GABRA6: variants seen among roughly 807,000 people sequenced by gnomAD.
GABRA6 encodes the protein gamma-aminobutyric acid type A receptor subunit alpha6.
Under a neutral mutation model 47.3 loss-of-function variants are expected in GABRA6, and 45 were observed. That is an observed-to-expected ratio of 0.95 (90% CI 0.75 to 1.22). GABRA6 has a LOEUF of 1.22. Among genes scored for constraint, GABRA6 ranks in the 50% most tolerant of loss-of-function variants. The pLI is 0.00. For synonymous variants in GABRA6, 219 were observed against 194.7 expected (o/e 1.12, Z -1.04); for missense variants, 583 against 549.3 (o/e 1.06, Z -0.61).
chr5:161,689,865 C>T lies in GABRA6; in HGVS notation c.673+86C>T, dbSNP rs1214098645. On this transcript the variant is annotated intron_variant, in intron 6 of 8. Coordinates refer to ENST00000274545, the MANE Select transcript of GABRA6 (RefSeq NM_000811.3). The stretch of plus-strand genomic sequence containing the variant: ...AAATATCTATTTCTTTTTCCTTCGC[C>T]TTAGCCATTCTCAGCTAAGCATGCT... 2.9e-6 allele frequency: 4 copies of T among 1,393,396 alleles called. No individual in the cohort carries two copies. The East Asian group carries it at 9.2e-5, about 32-fold the overall frequency. 86.3% of individuals were successfully genotyped at this position (1,393,396 alleles called of 1,614,324 possible).
Position 161,701,633 on chromosome 5 carries a change from T to A in GABRA6, c.1222T>A (p.Ser408Thr). Residue 408 changes from serine to threonine, a missense_variant, in exon 9 of 9, where the codon TCG (serine) becomes ACG (threonine). Transcript: ENST00000274545. ...QSTPVTPPPL[S>T]PAFGGTSKID... is the part of the protein sequence containing the mutation. ...AACACCTGTCACACCCCCACCACTC[T>A]CGCCAGCCTTTGGAGGCACCAGTAA... The A allele has an allele frequency of 6.2e-7, 1 of 1,614,150 alleles. No homozygotes were observed. The highest frequency in any genetic ancestry group is 8.5e-7 in the Non-Finnish European group (1 of 1,180,030).
intron 3 of GABRA6, chr5:161,687,497 G>A: frequency 2.2e-6 from 1 of 456,158 alleles, no homozygotes; most frequent in Non-Finnish European, 4.4e-6. Context: ...GGATGGACCA[G>A]TAGGTGTTCT....
At chr5:161,686,435 A>C in intron 2 of GABRA6, 87 bp downstream of exon 2, 2 of 1,011,930 alleles carry the variant, frequency 2.0e-6, no homozygotes, top group South Asian at 2.5e-5. Flanking sequence ...GTCAGAAACT[A>C]GGTAGTGGGA....
chr5:161,689,851 T>C, intron 6 of GABRA6, 72 bp downstream of exon 6: 1 of 1,452,820 alleles, frequency 6.9e-7, no homozygotes, highest in Non-Finnish European at 9.6e-7. Flanking sequence ...AATATCTATT[T>C]CTTTTTCCTT....
rs1164669199 is a variant in GABRA6, at chr5:161,701,759, A to C, written c.1348A>C (p.Ser450Arg). 3.1e-6 allele frequency: 5 copies of C among 1,614,028 alleles called. No individual in the cohort carries two copies. The Admixed American group carries it at 8.3e-5, about 27-fold the overall frequency. Residue 450 changes from serine to arginine, a missense_variant, in exon 9 of 9, where the codon AGC becomes CGC. Ser to Arg is a moderately radical substitution (Grantham distance 110). Coordinates refer to ENST00000274545, the MANE Select transcript of GABRA6 (RefSeq NM_000811.3). ...TTCCAAAGATACAATGGAAGTCAGT[A>C]GCAGTGTTGAATAGCTTGCGGCCAG... The part of the protein sequence containing the change: ...YLSKDTMEVS[S>R]SVE
chr5:161,685,799 A>G lies in GABRA6; in HGVS notation c.-191A>G, dbSNP rs2113063472. ...TGTTCCACGTGAGAAGGAAACAAGA[A>G]AGAAGGGAGCCAGGGGAATCCTGCA... On this transcript the variant is annotated 5_prime_UTR_variant, in exon 1 of 9. Coordinates refer to ENST00000274545, the MANE Select transcript of GABRA6 (RefSeq NM_000811.3). 3.1e-6 allele frequency: 2 copies of G among 635,096 alleles called. No individual in the cohort carries two copies. The highest frequency in any genetic ancestry group is 2.6e-4 in the Middle Eastern group (1 of 3,884). 39.3% of individuals were successfully genotyped at this position (635,096 alleles called of 1,614,324 possible).
chr5:161,700,473 A>G (rs981566086), intron 8 of GABRA6, among the ~76,000 whole-genome samples: 1 of 152,228 alleles, frequency 6.6e-6, no homozygotes, highest in Non-Finnish European at 1.5e-5. Flanking sequence ...CACCAACGGC[A>G]TGAAAGGAAT....
rs755056537 is a variant in GABRA6 at position 161,689,259 on chromosome 5, C to A, written c.452C>A (p.Thr151Asn). ...GTTGATTTCAATGTTTCTAGGCTTA[C>A]CATCAATGCTGACTGTCCCATGAGG... The part of the protein sequence containing the change: ...NGTILYTMRL[T>N]INADCPMRLV... The change falls in exon 5 of 9, where the codon ACC becomes AAC. Residue 151 changes from threonine to asparagine, a missense_variant. Transcript: ENST00000274545. The A allele has an allele frequency of 6.2e-6, 10 of 1,613,954 alleles. No homozygotes were observed. The highest frequency in any genetic ancestry group is 6.8e-6 in the Non-Finnish European group (8 of 1,179,840).
intron 8 of GABRA6, among the ~76,000 whole-genome samples, chr5:161,694,904 T>G (rs1280538282): frequency 1.3e-5 from 2 of 152,158 alleles, no homozygotes; most frequent in Non-Finnish European, 2.9e-5. Context: ...TTATATGATA[T>G]AGAGGAACAA....
intron 8 of GABRA6, among the ~76,000 whole-genome samples, chr5:161,696,737 A>G (rs1387171233): frequency 6.6e-6 from 1 of 152,110 alleles, no homozygotes; most frequent in Non-Finnish European, 1.5e-5. Context: ...TCTGTTTTCA[A>G]CTCTACCAGC....
chr5:161,689,828 T>G (rs1432903334), intron 6 of GABRA6, 49 bp downstream of exon 6: 5 of 1,540,838 alleles, frequency 3.2e-6, no homozygotes, highest in Non-Finnish European at 3.6e-6. Context: ...ATGACTCCAG[T>G]GCACATTTTC....
intron 5 of GABRA6, 130 bp downstream of exon 5, chr5:161,689,466 T>C (rs187783811): frequency 3.7e-4 from 382 of 1,021,348 alleles, no homozygotes; most frequent in Non-Finnish European, 4.3e-4. Flanking sequence ...AGGAATATAC[T>C]TAATCATTCT....
intron 7 of GABRA6, 28 bp from the exon 8 acceptor site, chr5:161,691,906 ACTAATAT>A: frequency 6.3e-7 from 1 of 1,597,600 alleles, no homozygotes; most frequent in Non-Finnish European, 8.6e-7. Flanking sequence ...GATTCCCAGT[ACTAATAT>A]TACAATTCCT....
chr5:161,688,437 G>A (rs969700959), intron 3 of GABRA6, among the ~76,000 whole-genome samples: 4 of 151,960 alleles, frequency 2.6e-5, no homozygotes, highest in African/African-American at 9.7e-5. Flanking sequence ...TGTTCCCTGA[G>A]AACAATATAA....
At chr5:161,694,875 C>T (rs1204962097) in intron 8 of GABRA6, among the ~76,000 whole-genome samples, 1 of 152,068 alleles carries the variant, frequency 6.6e-6, no homozygotes, top group African/African-American at 2.4e-5. Context: ...TTGTTCGTGT[C>T]AAACCTTGGC....
chr5:161,686,016 C>A lies in GABRA6; in HGVS notation c.27C>A (p.Cys9Ter). MASSLPWLCIILWLENALG... is the reference protein window; with the variant it reads MASSLPWL ...TGGCGTCGTCTCTGCCCTGGCTGTG[C>A]ATTATTCTGTGGTGAGTAAGATCCT... The change falls in exon 1 of 9, where the codon TGC becomes TGA. Residue 9 changes from cysteine to a stop codon, truncating the protein, a stop_gained. Coordinates refer to ENST00000274545, the MANE Select transcript of GABRA6 (RefSeq NM_000811.3). LOFTEE classifies it high-confidence loss of function. The A allele has an allele frequency of 6.2e-7, 1 of 1,613,814 alleles. No individual in the cohort carries two copies. The highest frequency in any genetic ancestry group is 2.2e-5 in the East Asian group (1 of 44,870).
Position 161,689,278 on chromosome 5 carries a change from C to T in GABRA6, c.471C>T (p.Pro157=), listed in dbSNP as rs1180497998. The part of the protein sequence containing the change: ...TMRLTINADC[P]MRLVNFPMDG... The stretch of plus-strand genomic sequence containing the variant: ...GGCTTACCATCAATGCTGACTGTCC[C>T]ATGAGGCTGGTTAACTTTCCTATGG... Residue 157 remains proline (P), a synonymous_variant, in exon 5 of 9, where the codon CCC becomes CCT. Coordinates refer to ENST00000274545, the MANE Select transcript of GABRA6 (RefSeq NM_000811.3). 5 of 1,613,894 alleles carry T rather than the reference C, an allele frequency of 3.1e-6. No homozygotes were observed. Among genetic ancestry groups the T allele is most frequent in the Non-Finnish European group, 4.2e-6 (5 of 1,179,942 alleles).
At chr5:161,686,676 AGTT>A (rs774393395) in intron 2 of GABRA6, among the ~76,000 whole-genome samples, 2 of 152,200 alleles carry the variant, frequency 1.3e-5, no homozygotes, top group Non-Finnish European at 2.9e-5. Flanking sequence ...AATATACATT[AGTT>A]ATTATCATTT....
rs1754789646 is a variant in GABRA6, at chr5:161,691,453, G to T, written c.827-488G>T. On this transcript the variant is annotated intron_variant, in intron 7 of 8. Coordinates refer to ENST00000274545, the MANE Select transcript of GABRA6 (RefSeq NM_000811.3). Reference sequence around the variant, plus strand: ...TGGGACTACAGGCGCCCGCCACCAAGCCCGGCTAATTTTTTGTATTTTTAG... The same window carrying T: ...TGGGACTACAGGCGCCCGCCACCAATCCCGGCTAATTTTTTGTATTTTTAG... Among the ~76,000 whole-genome samples the T allele has an allele frequency of 2.0e-5, 3 of 151,466 alleles. No homozygotes were observed. In the South Asian group the frequency reaches 6.2e-4, roughly 31 times the overall value.
Sources: gnomAD v4.1 joint callset for allele counts (sites outside exome capture counted in the v4.1 genomes callset) on GRCh38, gnomAD v4.1.1 for gene constraint, MANE v1.5 for transcripts, NCBI Gene and HGNC (gene_info 2026-07-23, HGNC 2026-07-21) for gene names.